ACVR1: variants seen among roughly 807,000 people sequenced by gnomAD.
The protein encoded by ACVR1 is activin A receptor type 1.
ACVR1 carries 38 observed loss-of-function variants against 57.1 expected under a neutral mutation model. The ratio of observed to expected loss-of-function variants is 0.67; its 90% CI spans 0.51 to 0.87. The LOEUF (loss-of-function observed/expected upper bound fraction) is 0.87. Among genes scored for constraint, ACVR1 ranks in the 40% least tolerant of loss-of-function variants. The pLI is 0.00. For synonymous variants in ACVR1, 212 were observed against 228.1 expected (o/e 0.93, Z 0.63); for missense variants, 463 against 638.2 (o/e 0.73, Z 2.96).
At chr2:157,828,216 G>A (rs1346766586) in intron 1 of ACVR1, among the ~76,000 whole-genome samples, 1 of 152,096 alleles carries the variant, frequency 6.6e-6, no homozygotes, top group African/African-American at 2.4e-5. Flanking sequence ...GGGAGGTCCA[G>A]GCAGGCAGAT....
chr2:157,842,950 A>G (rs1379643250), intron 1 of ACVR1, among the ~76,000 whole-genome samples: 1 of 152,156 alleles, frequency 6.6e-6, no homozygotes, highest in Admixed American at 6.5e-5. Context: ...TCTCTATTAT[A>G]AAAGCCATGT....
At chr2:157,755,900 C>A (rs1306603720) in intron 9 of ACVR1, among the ~76,000 whole-genome samples, 1 of 152,066 alleles carries the variant, frequency 6.6e-6, no homozygotes, top group Non-Finnish European at 1.5e-5. Flanking sequence ...TAATACATTA[C>A]CTGACTTCAA....
intron 1 of ACVR1, among the ~76,000 whole-genome samples, chr2:157,874,203 T>C (rs1049718079): frequency 1.3e-5 from 2 of 152,226 alleles, no homozygotes; most frequent in African/African-American, 2.4e-5. Flanking sequence ...ATAGCAGAAA[T>C]GCTATTATCC....
intron 1 of ACVR1, among the ~76,000 whole-genome samples, chr2:157,872,339 G>A (rs1000490149): frequency 6.6e-6 from 1 of 152,158 alleles, no homozygotes; most frequent in Admixed American, 6.5e-5. Flanking sequence ...TTCCAGCTCT[G>A]AATGGTCACA....
chr2:157,869,584 T>C (rs1390446902), intron 1 of ACVR1, among the ~76,000 whole-genome samples: 1 of 152,242 alleles, frequency 6.6e-6, no homozygotes, highest in Non-Finnish European at 1.5e-5. Context: ...CATGCATATG[T>C]GTTTGTGTGT....
chr2:157,871,995 T>TA (rs1373030875), intron 1 of ACVR1, among the ~76,000 whole-genome samples: 1 of 152,206 alleles, frequency 6.6e-6, no homozygotes, highest in Non-Finnish European at 1.5e-5. Flanking sequence ...TTCTGATTCT[T>TA]AAACTTAACA....
chr2:157,774,282 G>C, intron 5 of ACVR1, 95 bp from the exon 6 acceptor site: 2 of 976,800 alleles, frequency 2.0e-6, no homozygotes, highest in Non-Finnish European at 3.3e-6. Flanking sequence ...CACATGAAGG[G>C]CAGCAATCCG....
intron 1 of ACVR1, among the ~76,000 whole-genome samples, chr2:157,854,488 C>T (rs1049638316): frequency 4.0e-5 from 6 of 151,890 alleles, no homozygotes; most frequent in South Asian, 2.1e-4. Flanking sequence ...TTTGGGAGGC[C>T]GAGGCGGGAG....
At chr2:157,849,944 C>G (rs1414596154) in intron 1 of ACVR1, among the ~76,000 whole-genome samples, 1 of 152,232 alleles carries the variant, frequency 6.6e-6, no homozygotes, top group African/African-American at 2.4e-5. Flanking sequence ...TAGTAGCTAC[C>G]TTACTGGACA....
chr2:157,796,727 G>A (rs1687138698), intron 3 of ACVR1, among the ~76,000 whole-genome samples: 1 of 150,406 alleles, frequency 6.6e-6, no homozygotes, highest in Non-Finnish European at 1.5e-5. Context: ...CTAGAAACTT[G>A]ACTGTTAGAA....
At chr2:157,737,704 G>C in intron 10 of ACVR1, 39 bp from the exon 11 acceptor site, 4 of 1,613,794 alleles carry the variant, frequency 2.5e-6, no homozygotes, top group Non-Finnish European at 3.4e-6. Flanking sequence ...TGACAAACTG[G>C]CTTTTTAATG....
intron 1 of ACVR1, among the ~76,000 whole-genome samples, chr2:157,859,220 A>G (rs1242253238): frequency 6.6e-6 from 1 of 152,186 alleles, no homozygotes; most frequent in East Asian, 1.9e-4. Context: ...AAGCCAGCCA[A>G]AACTCACCAA....
At chr2:157,755,980 G>T (rs1685411514) in intron 9 of ACVR1, among the ~76,000 whole-genome samples, 1 of 151,964 alleles carries the variant, frequency 6.6e-6, no homozygotes, top group African/African-American at 2.4e-5. Flanking sequence ...CAGACCAATG[G>T]AACAGAATAG....
At chr2:157,859,489 TACTCTATGGAC>T (rs2105375094) in intron 1 of ACVR1, among the ~76,000 whole-genome samples, 1 of 152,338 alleles carries the variant, frequency 6.6e-6, no homozygotes, top group South Asian at 2.1e-4. Flanking sequence ...TGCTTCACTT[TACTCTATGGAC>T]TCGCCTCCAA....
chr2:157,861,204 C>A (rs1204380250), intron 1 of ACVR1, among the ~76,000 whole-genome samples: 1 of 152,206 alleles, frequency 6.6e-6, no homozygotes, highest in Non-Finnish European at 1.5e-5. Context: ...TGTACATTGG[C>A]TATTTCTTTT....
intron 1 of ACVR1, among the ~76,000 whole-genome samples, chr2:157,828,097 C>A (rs943634081): frequency 3.9e-5 from 6 of 151,978 alleles, no homozygotes; most frequent in African/African-American, 9.7e-5. Flanking sequence ...CCGAGGTAGG[C>A]GGATTGCTTG....
chr2:157,781,480 A>C (rs1686523594), intron 3 of ACVR1, among the ~76,000 whole-genome samples: 1 of 152,202 alleles, frequency 6.6e-6, no homozygotes, highest in South Asian at 2.1e-4. Flanking sequence ...AAGTTTACAT[A>C]GATTATAGTG....
chr2:157,872,140 T>C (rs534359639), intron 1 of ACVR1, among the ~76,000 whole-genome samples: 60 of 152,330 alleles, frequency 3.9e-4, no homozygotes, highest in Middle Eastern at 6.8e-3. Flanking sequence ...GAAGGTATTT[T>C]GTACCAGGAA....
intron 8 of ACVR1, among the ~76,000 whole-genome samples, chr2:157,765,202 C>T (rs1667490993): frequency 6.6e-6 from 1 of 152,190 alleles, no homozygotes; most frequent in Non-Finnish European, 1.5e-5. Flanking sequence ...ACACTGAGTA[C>T]TACTCTAACA....
Sources: gnomAD v4.1 joint callset for allele counts (sites outside exome capture counted in the v4.1 genomes callset) on GRCh38, gnomAD v4.1.1 for gene constraint, MANE v1.5 for transcripts, NCBI Gene and HGNC (gene_info 2026-07-23, HGNC 2026-07-21) for gene names.